The following GMDS variants were observed in gnomAD, a reference collection of about 807,000 sequenced individuals.
GMDS encodes GDP-mannose 4,6 dehydratase.
A neutral mutation model predicts 49.9 loss-of-function variants in GMDS; 20 were observed. That is an observed-to-expected ratio of 0.40 (90% CI 0.28 to 0.58). The LOEUF (loss-of-function observed/expected upper bound fraction) is 0.58. Among genes scored for constraint, GMDS ranks in the 20% least tolerant of loss-of-function variants. GMDS has a pLI of 0.42. For missense variants in GMDS, 362 were observed against 481.4 expected (o/e 0.75, Z 2.32); for synonymous variants, 177 against 178.6 (o/e 0.99, Z 0.07).
chr6:1,996,113 C>T lies in GMDS; in HGVS notation c.346-35147G>A, dbSNP rs947223092. Among the ~76,000 whole-genome samples the T allele has an allele frequency of 7.2e-4, 109 of 151,338 alleles. 1 individual carries two copies. Among genetic ancestry groups the T allele is most frequent in the Non-Finnish European group, 2.4e-4 (16 of 67,784 alleles). ...CTTCTCCTTCTTCCTTCTCCTTCTC[C>T]TTCCTCCTCCTTCCTCCTTCCTCTT... is the stretch of plus-strand genomic sequence containing the variant. On this transcript the variant is annotated intron_variant, in intron 4 of 10. Transcript: ENST00000380815.
intron 4 of GMDS, among the ~76,000 whole-genome samples, chr6:2,017,096 A>C (rs1279390471): frequency 6.6e-6 from 1 of 152,176 alleles, no homozygotes; most frequent in Non-Finnish European, 1.5e-5. Flanking sequence ...GAGAAAAATC[A>C]ATGAAGCCAA....
chr6:2,056,823 A>C (rs1770808911), intron 4 of GMDS, among the ~76,000 whole-genome samples: 1 of 152,208 alleles, frequency 6.6e-6, no homozygotes, highest in Non-Finnish European at 1.5e-5. Context: ...ATTAATCTGC[A>C]ACCAGGTAAT....
At chr6:1,889,263 G>A (rs999931535) in intron 7 of GMDS, among the ~76,000 whole-genome samples, 1 of 152,080 alleles carries the variant, frequency 6.6e-6, no homozygotes. Flanking sequence ...AAACTCAGTG[G>A]CTCGTTGAGT....
chr6:1,969,811 T>C (rs1246917571), intron 4 of GMDS, among the ~76,000 whole-genome samples: 4 of 152,178 alleles, frequency 2.6e-5, no homozygotes, highest in Admixed American at 6.5e-5. Flanking sequence ...CTCAGTCCAT[T>C]GGACTCTAAG....
At chr6:1,628,294 C>A (rs76767449) in intron 9 of GMDS, among the ~76,000 whole-genome samples, 2 of 152,358 alleles carry the variant, frequency 1.3e-5, no homozygotes, top group African/African-American at 2.4e-5. Flanking sequence ...TCTACCCTAA[C>A]GACAGGTCCC....
chr6:1,987,947 CT>C (rs1581469438), intron 4 of GMDS, among the ~76,000 whole-genome samples: 1 of 152,120 alleles, frequency 6.6e-6, no homozygotes, highest in East Asian at 1.9e-4. Flanking sequence ...AAGGAGCTTG[CT>C]TATGGTCACA....
intron 1 of GMDS, among the ~76,000 whole-genome samples, chr6:2,189,488 C>A (rs1778922291): frequency 6.6e-6 from 1 of 152,128 alleles, no homozygotes; most frequent in Non-Finnish European, 1.5e-5. Context: ...GGGAACCTGT[C>A]CTCCCCCAAA....
chr6:1,721,681 T>G (rs976908250), intron 9 of GMDS, among the ~76,000 whole-genome samples: 5 of 152,152 alleles, frequency 3.3e-5, no homozygotes, highest in African/African-American at 1.2e-4. Context: ...GGATTGACCA[T>G]TTGATGTGGT....
chr6:1,671,639 T>A (rs1764429864), intron 9 of GMDS, among the ~76,000 whole-genome samples: 2 of 151,462 alleles, frequency 1.3e-5, no homozygotes, highest in South Asian at 4.2e-4. Flanking sequence ...GCAAAAGTAA[T>A]CTTGGTTTTT....
intron 7 of GMDS, among the ~76,000 whole-genome samples, chr6:1,814,884 A>G (rs1770591021): frequency 6.6e-6 from 1 of 152,222 alleles, no homozygotes; most frequent in African/African-American, 2.4e-5. Flanking sequence ...TTTCCAATTA[A>G]AAATGATAGT....
intron 1 of GMDS, among the ~76,000 whole-genome samples, chr6:2,215,669 G>A (rs60015886): frequency 0.11 from 16,281 of 151,824 alleles, 1,518 homozygotes; most frequent in East Asian, 0.42. Flanking sequence ...AAGAAAAATA[G>A]GAGAAAGGAA....
chr6:1,830,543 G>C (rs746613917), intron 7 of GMDS, among the ~76,000 whole-genome samples: 8 of 152,186 alleles, frequency 5.3e-5, no homozygotes, highest in Non-Finnish European at 1.2e-4. Flanking sequence ...ATAAAGACAA[G>C]AAGATGAGAC....
chr6:2,023,799 CA>C (rs1249301102), intron 4 of GMDS, among the ~76,000 whole-genome samples: 1 of 151,798 alleles, frequency 6.6e-6, no homozygotes, highest in Non-Finnish European at 1.5e-5. Flanking sequence ...GCACAAAAAC[CA>C]AAAAGTTAAA....
intron 7 of GMDS, among the ~76,000 whole-genome samples, chr6:1,769,415 A>T (rs1484543330): frequency 1.3e-5 from 2 of 152,270 alleles, no homozygotes; most frequent in African/African-American, 4.8e-5. Context: ...TTATATTCAC[A>T]CTGAAGCTAT....
chr6:1,740,322 C>T (rs1047061346), intron 8 of GMDS, among the ~76,000 whole-genome samples: 4 of 152,096 alleles, frequency 2.6e-5, no homozygotes, highest in East Asian at 1.9e-4. Context: ...TTTGGGAAGC[C>T]GAGGTGGGCG....
chr6:1,960,782 G>C lies in GMDS; in HGVS notation c.530C>G (p.Ser177Ter). 1 of 1,595,156 alleles carries C rather than the reference G, an allele frequency of 6.3e-7. No individual in the cohort carries two copies. The highest frequency in any genetic ancestry group is 1.1e-5 in the South Asian group (1 of 89,436). Reference protein sequence around the residue: ...QKETTPFYPRSPYGAAKLYAY... With the variant: ...QKETTPFYPR ...TGCACGCATGTTCTCACCATAGGGT[G>C]ACCGGGGATAGAAAGGGGTGGTCTC... Residue 177 changes from serine to a stop codon, truncating the protein, a stop_gained, in exon 5 of 11, where the codon TCA (serine) becomes TGA (stop). Coordinates refer to ENST00000380815, the MANE Select transcript of GMDS (RefSeq NM_001500.4). LOFTEE classifies it high-confidence loss of function.
chr6:1,691,319 T>C (rs1176287664), intron 9 of GMDS, among the ~76,000 whole-genome samples: 2 of 146,460 alleles, frequency 1.4e-5, no homozygotes, highest in Non-Finnish European at 3.0e-5. Flanking sequence ...TGAGAACACA[T>C]GGACACGGGG....
intron 9 of GMDS, among the ~76,000 whole-genome samples, chr6:1,634,163 T>G (rs918365830): frequency 6.6e-6 from 1 of 152,212 alleles, no homozygotes; most frequent in African/African-American, 2.4e-5. Flanking sequence ...ACTCAGGTGC[T>G]GGCCACTGCA....
chr6:1,941,289 G>A (rs972418684), intron 6 of GMDS, among the ~76,000 whole-genome samples: 4 of 151,986 alleles, frequency 2.6e-5, no homozygotes, highest in African/African-American at 9.7e-5. Flanking sequence ...TTCAAGTCCT[G>A]AGGCCAGCTG....
Sources: gnomAD v4.1 joint callset for allele counts (sites outside exome capture counted in the v4.1 genomes callset) on GRCh38, gnomAD v4.1.1 for gene constraint, MANE v1.5 for transcripts, NCBI Gene and HGNC (gene_info 2026-07-23, HGNC 2026-07-21) for gene names.